The following LMNB1 variants were observed in gnomAD, a reference collection of about 807,000 sequenced individuals.
LMNB1 encodes the protein lamin B1.
In LMNB1, 23 loss-of-function variants were observed where a neutral mutation model predicts 67.1. That is an observed-to-expected ratio of 0.34 (90% confidence interval 0.25 to 0.49). The LOEUF (loss-of-function observed/expected upper bound fraction) is 0.49, where lower values mean the gene tolerates loss of function less well. LMNB1 is among the 20% of genes least tolerant of loss of function. LMNB1 has a pLI of 0.99. For synonymous variants in LMNB1, 281 were observed against 282.9 expected (o/e 0.99, Z 0.07); for missense variants, 634 against 746.5 (o/e 0.85, Z 1.76).
chr5:126,807,024 G>A (rs1405551752), intron 3 of LMNB1, among the ~76,000 whole-genome samples: 2 of 152,116 alleles, frequency 1.3e-5, no homozygotes, highest in Non-Finnish European at 2.9e-5. Context: ...TGATTGGCCC[G>A]CCTCAGCCTC....
intron 9 of LMNB1, among the ~76,000 whole-genome samples, chr5:126,829,012 G>A (rs1310794267): frequency 2.6e-5 from 4 of 151,758 alleles, no homozygotes; most frequent in African/African-American, 9.7e-5. Context: ...CATTTAATTC[G>A]ATAAGACCAT....
At chr5:126,804,000 G>A (rs1179178943) in intron 1 of LMNB1, among the ~76,000 whole-genome samples, 2 of 152,018 alleles carry the variant, frequency 1.3e-5, no homozygotes, top group Non-Finnish European at 2.9e-5. Flanking sequence ...TAATATCAGG[G>A]GAGTTTCAGT....
rs1750822851 is a variant in LMNB1 at position 126,787,479 on chromosome 5, A to T, written c.359+9612A>T. Among the ~76,000 whole-genome samples, 3 of 143,690 alleles carry T rather than the reference A, an allele frequency of 2.1e-5. No homozygotes were observed. In the Admixed American group the frequency reaches 2.2e-4, roughly 10 times the overall value. The allele number at this position is 143,690 out of a possible 152,430, so 94.3% of individuals were successfully genotyped here. ...ATAACATATACTTTATGTATATGTT[A>T]CTTATATATGAAGTATATGTTATAT... On this transcript the variant is annotated intron_variant, in intron 1 of 10. Coordinates refer to ENST00000261366, the MANE Select transcript of LMNB1 (RefSeq NM_005573.4).
Position 126,821,149 on chromosome 5 carries a change from C to T in LMNB1, c.1386+14C>T, listed in dbSNP as rs373583264. 1.3e-6 allele frequency: 2 copies of T among 1,554,362 alleles called. No homozygotes were observed. Among genetic ancestry groups the T allele is most frequent in the South Asian group, 1.1e-5 (1 of 90,000 alleles). Reference sequence around the variant, plus strand: ...ACTTCTGAACAGGTAATAAAATAGACCCTTTTTTTTCTAGCAAGGCTTTGT... The same window carrying T: ...ACTTCTGAACAGGTAATAAAATAGATCCTTTTTTTTCTAGCAAGGCTTTGT... On this transcript the variant is annotated intron_variant, in intron 7 of 10. Transcript: ENST00000261366.
chr5:126,784,904 C>T (rs1171283192), intron 1 of LMNB1, among the ~76,000 whole-genome samples: 3 of 151,876 alleles, frequency 2.0e-5, no homozygotes, highest in Non-Finnish European at 4.4e-5. Flanking sequence ...CCTCGTGATC[C>T]GCCCGCCTCA....
chr5:126,819,175 T>A, intron 6 of LMNB1, 33 bp downstream of exon 6: 1 of 1,473,028 alleles, frequency 6.8e-7, no homozygotes. Context: ...TACCTTATGG[T>A]CCACTTTTTG....
At position 126,777,582 on chromosome 5, in the gene LMNB1, C is replaced by T. The variant is rs956587497; in HGVS notation, c.74C>T (p.Thr25Met). The T allele has an allele frequency of 2.6e-6, 4 of 1,524,648 alleles. No homozygotes were observed. Among genetic ancestry groups the T allele is most frequent in the African/African-American group, 2.9e-5 (2 of 69,594 alleles). The allele number at this position is 1,524,648 out of a possible 1,614,324, so 94.4% of individuals were successfully genotyped here. ...GGCCCCACCACGCCGCTGAGCCCCA[C>T]GCGCCTGTCGCGGCTCCAGGAGAAG... ...AGGPTTPLSP[T>M]RLSRLQEKEE... Residue 25 changes from threonine (T) to methionine (M), a missense_variant, in exon 1 of 11, where the codon ACG becomes ATG. Physicochemically the swap from Thr to Met is moderately conservative, Grantham distance 81 (BLOSUM62 -1). Transcript: ENST00000261366.
At chr5:126,807,057 G>A (rs1468287369) in intron 3 of LMNB1, among the ~76,000 whole-genome samples, 7 of 152,192 alleles carry the variant, frequency 4.6e-5, no homozygotes, top group East Asian at 1.9e-4. Flanking sequence ...GATTACAGGC[G>A]TGAGCCACCG....
At chr5:126,783,227 C>A (rs1393833524) in intron 1 of LMNB1, among the ~76,000 whole-genome samples, 3 of 151,732 alleles carry the variant, frequency 2.0e-5, no homozygotes, top group East Asian at 3.9e-4. Flanking sequence ...AACAAAAAAA[C>A]CACAAAAAAC....
chr5:126,826,182 G>T (rs1751995965), intron 9 of LMNB1, 75 bp downstream of exon 9: 19 of 1,497,474 alleles, frequency 1.3e-5, no homozygotes, highest in Non-Finnish European at 1.4e-5. Flanking sequence ...ATCAAGATCA[G>T]ATTGAAACGT....
At chr5:126,821,222 T>A (rs1263558788) in intron 7 of LMNB1, 87 bp downstream of exon 7, 11 of 826,224 alleles carry the variant, frequency 1.3e-5, no homozygotes, top group Non-Finnish European at 2.1e-5. Context: ...AGTTTTTGTT[T>A]GGATTCATTA....
At chr5:126,791,592 G>C (rs1750961074) in intron 1 of LMNB1, among the ~76,000 whole-genome samples, 1 of 151,032 alleles carries the variant, frequency 6.6e-6, no homozygotes, top group East Asian at 1.9e-4. Context: ...GGAGTAGTTG[G>C]GACTACTACT....
intron 1 of LMNB1, among the ~76,000 whole-genome samples, chr5:126,788,150 G>A (rs1750857260): frequency 6.6e-6 from 1 of 152,070 alleles, no homozygotes; most frequent in Non-Finnish European, 1.5e-5. Context: ...TGCCTGAGTA[G>A]ACAATATTGC....
chr5:126,836,723 A>C lies in LMNB1; in HGVS notation c.*459A>C. ...ATTTTTCAATATATTGAACTTTTGT[A>C]CTGAATTTTTTTGTAATAAGCAATC... On this transcript the variant is annotated 3_prime_UTR_variant, in exon 11 of 11. Coordinates refer to ENST00000261366, the MANE Select transcript of LMNB1 (RefSeq NM_005573.4). 1 of 391,176 alleles carries C rather than the reference A, an allele frequency of 2.6e-6. No homozygotes were observed. Among genetic ancestry groups the C allele is most frequent in the Non-Finnish European group, 4.5e-6 (1 of 222,274 alleles). The allele number at this position is 391,176 out of a possible 1,614,324, so 24.2% of individuals were successfully genotyped here. A position where few individuals can be genotyped will look rare whatever the true frequency, so the allele number is the denominator to read the frequency against.
intron 1 of LMNB1, among the ~76,000 whole-genome samples, chr5:126,787,839 C>G (rs1330252450): frequency 6.6e-6 from 1 of 151,842 alleles, no homozygotes; most frequent in East Asian, 1.9e-4. Context: ...GTGTGAGCCA[C>G]TGCACCTGGC....
intron 1 of LMNB1, among the ~76,000 whole-genome samples, chr5:126,779,002 G>T (rs1750555722): frequency 6.6e-6 from 1 of 152,160 alleles, no homozygotes; most frequent in Non-Finnish European, 1.5e-5. Context: ...ATGCTTTAGA[G>T]ATTTGCAAAA....
chr5:126,796,774 T>G (rs1751103663), intron 1 of LMNB1, among the ~76,000 whole-genome samples: 1 of 142,772 alleles, frequency 7.0e-6, no homozygotes, highest in South Asian at 2.2e-4. Context: ...TTTTTCTTTT[T>G]CTTTTTTCTT....
chr5:126,812,718 C>CTTTTT (rs11430160), intron 5 of LMNB1, among the ~76,000 whole-genome samples: 49 of 117,138 alleles, frequency 4.2e-4, no homozygotes, highest in African/African-American at 9.2e-4. Context: ...CTTTATTTTA[C>CTTTTT]TTTTTTTTTT....
At position 126,781,260 on chromosome 5, in the gene LMNB1, A is replaced by G. The variant is rs570724426; in HGVS notation, c.359+3393A>G. On this transcript the variant is annotated intron_variant, in intron 1 of 10. Coordinates refer to ENST00000261366, the MANE Select transcript of LMNB1 (RefSeq NM_005573.4). ...AGCTGAGATCACACCACCGCACTCC[A>G]TCCTGGGTGTATTTTCCTTTTCCTT... Among the ~76,000 whole-genome samples, 249 of 152,038 alleles carry G rather than the reference A, an allele frequency of 1.6e-3. 1 individual carries two copies. Among genetic ancestry groups the G allele is most frequent in the African/African-American group, 5.6e-3 (233 of 41,502 alleles).
Sources: gnomAD v4.1 joint callset for allele counts (sites outside exome capture counted in the v4.1 genomes callset) on GRCh38, gnomAD v4.1.1 for gene constraint, MANE v1.5 for transcripts, NCBI Gene and HGNC (gene_info 2026-07-23, HGNC 2026-07-21) for gene names.